Variants in DNAH6 observed in about 807,000 individuals in gnomAD.
The protein encoded by DNAH6 is dynein axonemal heavy chain 6.
DNAH6 carries 340 observed loss-of-function variants against 491.4 expected under a neutral mutation model. The ratio of observed to expected loss-of-function variants is 0.69; its 90% CI spans 0.63 to 0.76. The LOEUF is 0.76. DNAH6 is among the 30% of genes least tolerant of loss of function. DNAH6 has a pLI of 0.00. For missense variants in DNAH6, 4,443 were observed against 4,972.2 expected (o/e 0.89, Z 3.20); for synonymous variants, 1,603 against 1,686.1 (o/e 0.95, Z 1.21).
chr2:84,685,660 G>A (rs1694190649), intron 43 of DNAH6, among the ~76,000 whole-genome samples, 188 bp downstream of exon 43: 1 of 151,870 alleles, frequency 6.6e-6, no homozygotes, highest in African/African-American at 2.4e-5. Context: ...TTAAAATTCA[G>A]GAAGGGTCAG....
Position 84,557,938 on chromosome 2 carries a change from A to G in DNAH6, c.1803+3A>G. 1.3e-6 allele frequency: 2 copies of G among 1,578,772 alleles called. No homozygotes were observed. The highest frequency in any genetic ancestry group is 1.7e-6 in the Non-Finnish European group (2 of 1,151,892). ...ACACAATTATTTCTCAAATAAAGGT[A>G]TGTTTACTCTGACTAAAACTATTCT... On this transcript the variant is annotated splice_donor_region_variant and intron_variant, in intron 11 of 76. Transcript: ENST00000389394.
At chr2:84,638,321 G>A (rs72922749) in intron 31 of DNAH6, among the ~76,000 whole-genome samples, 7,028 of 151,992 alleles carry the variant, frequency 0.046, 194 homozygotes, top group Middle Eastern at 0.054. Context: ...AATTTTATAC[G>A]TATTTTTCAT....
At chr2:84,514,987 G>C (rs1170728401), upstream of DNAH6, among the ~76,000 whole-genome samples, 2 of 152,016 alleles carry the variant, frequency 1.3e-5, no homozygotes, top group Admixed American at 1.3e-4. Context: ...CTAGGATTGA[G>C]GAGCAATAGA....
chr2:84,501,947 T>A, the DNAH6 span, among the ~76,000 whole-genome samples: 1 of 151,990 alleles, frequency 6.6e-6, no homozygotes, highest in African/African-American at 2.4e-5. Flanking sequence ...CTAAAATTTG[T>A]CACTTTTGTT....
upstream of DNAH6, among the ~76,000 whole-genome samples, chr2:84,511,627 A>T (rs769932783): frequency 6.6e-5 from 10 of 152,108 alleles, no homozygotes; most frequent in Non-Finnish European, 1.2e-4. Flanking sequence ...CCAGTACCTC[A>T]GTTGGAAATG....
At chr2:84,489,614 A>C in the DNAH6 span, among the ~76,000 whole-genome samples, 2 of 151,942 alleles carry the variant, frequency 1.3e-5, no homozygotes, top group Non-Finnish European at 2.9e-5. Flanking sequence ...CTTTCTCTTA[A>C]AGAAGCTCTA....
rs1573561251 is a variant in DNAH6, at chr2:84,544,446, G to C, written c.876G>C (p.Lys292Asn). 2.6e-6 allele frequency: 4 copies of C among 1,524,324 alleles called. No individual in the cohort carries two copies. The East Asian group carries it at 9.8e-5, about 37-fold the overall frequency. 94.4% of individuals were successfully genotyped at this position (1,524,324 alleles called of 1,614,324 possible). The change falls in exon 5 of 77, where the codon AAG becomes AAC. Residue 292 changes from lysine to asparagine, a missense_variant. Physicochemically the swap from Lys to Asn is moderately conservative, Grantham distance 94. Around this residue, in one of 3 missense-constraint regions of DNAH6, gnomAD observed 2,977 missense variants for 3,296.6 expected, o/e 0.90. Coordinates refer to ENST00000389394, the MANE Select transcript of DNAH6 (RefSeq NM_001370.2). ...FSVWRKNVRS[K>N]KITGCQKSLQ... ...TATGGAGGAAGAATGTCCGCTCCAA[G>C]AAAATCACTGGATGTCAAAAATCTC...
chr2:84,761,800 A>G (rs549577147), intron 63 of DNAH6, among the ~76,000 whole-genome samples: 13 of 151,648 alleles, frequency 8.6e-5, no homozygotes, highest in African/African-American at 3.1e-4. Context: ...ACACACACAC[A>G]CACACACACA....
chr2:84,509,310 T>A, the DNAH6 span, among the ~76,000 whole-genome samples: 1 of 152,248 alleles, frequency 6.6e-6, no homozygotes, highest in East Asian at 1.9e-4. Flanking sequence ...TCTTGTTGAA[T>A]TGATCCCTTT....
chr2:84,546,490 G>A (rs1039097041), intron 5 of DNAH6, among the ~76,000 whole-genome samples: 1 of 152,104 alleles, frequency 6.6e-6, no homozygotes, highest in Non-Finnish European at 1.5e-5. Context: ...CATGACTCTG[G>A]AACCCGAGGA....
In DNAH6 at chr2:84,594,810, A is replaced by G. The variant is rs565115551; in HGVS notation, c.2724+725A>G. On this transcript the variant is annotated intron_variant, in intron 17 of 76. Transcript: ENST00000389394. ...TAACATGGGAAATATGTTCCAGGTA[A>G]TGTTCTAGGTGCTGGGAGTACCAGT... is the stretch of plus-strand genomic sequence containing the variant. 5.9e-5 allele frequency among the ~76,000 whole-genome samples: 9 copies of G among 152,334 alleles called. No individual in the cohort carries two copies. The South Asian group carries it at 1.9e-3, about 32-fold the overall frequency.
At chr2:84,466,440 G>A in the DNAH6 span, among the ~76,000 whole-genome samples, 3 of 152,144 alleles carry the variant, frequency 2.0e-5, no homozygotes, top group Non-Finnish European at 4.4e-5. Context: ...CAGGTAGAGA[G>A]AAACAAATAT....
intron 40 of DNAH6, among the ~76,000 whole-genome samples, chr2:84,675,598 A>G (rs1181508528): frequency 6.6e-6 from 1 of 152,208 alleles, no homozygotes; most frequent in Admixed American, 6.5e-5. Flanking sequence ...TCCCCCAACA[A>G]GCATTGCCTC....
the DNAH6 span, among the ~76,000 whole-genome samples, chr2:84,493,434 A>G: frequency 6.6e-6 from 1 of 152,202 alleles, no homozygotes; most frequent in Non-Finnish European, 1.5e-5. Flanking sequence ...TTTAGATACT[A>G]TATTTTATTT....
intron 63 of DNAH6, among the ~76,000 whole-genome samples, chr2:84,755,563 T>C (rs745447366): frequency 6.6e-6 from 1 of 152,200 alleles, no homozygotes; most frequent in Non-Finnish European, 1.5e-5. Flanking sequence ...TTCCCTAGTG[T>C]TTTGTATATA....
At position 84,762,935 on chromosome 2, in the gene DNAH6, T is replaced by C. The variant is rs1403992489; in HGVS notation, c.10693T>C (p.Tyr3565His). 2 of 1,550,762 alleles carry C rather than the reference T, an allele frequency of 1.3e-6. No homozygotes were observed. The highest frequency in any genetic ancestry group is 1.7e-6 in the Non-Finnish European group (2 of 1,146,296). The change falls in exon 64 of 77, where the codon TAT becomes CAT. Residue 3565 changes from tyrosine (Y) to histidine (H), a missense_variant. Physicochemically the swap from Tyr to His is moderately conservative, Grantham distance 83. Around this residue, in one of 3 missense-constraint regions of DNAH6, gnomAD observed 1,463 missense variants for 1,656.6 expected, o/e 0.88. Coordinates refer to ENST00000389394, the MANE Select transcript of DNAH6 (RefSeq NM_001370.2). ...TCAGAGGTTTGCCAGGGAAAGTGGATATTCAGAACGGTAAGTTCATGTTGT... is the reference window on the plus strand; with the variant it reads ...TCAGAGGTTTGCCAGGGAAAGTGGACATTCAGAACGGTAAGTTCATGTTGT... Reference protein sequence around the residue: ...AFQRFARESGYSERVQSISLG... With the variant: ...AFQRFARESGHSERVQSISLG...
rs1696819560 is a variant in DNAH6 at position 84,709,358 on chromosome 2, A to C, written c.9064A>C (p.Ile3022Leu). The change falls in exon 55 of 77, where the codon ATC (isoleucine) becomes CTC (leucine). Residue 3022 changes from isoleucine to leucine, a missense_variant. By Grantham distance (5) the Ile-to-Leu change is conservative. Around this residue, in one of 3 missense-constraint regions of DNAH6, gnomAD observed 1,463 missense variants for 1,656.6 expected, o/e 0.88. Coordinates refer to ENST00000389394, the MANE Select transcript of DNAH6 (RefSeq NM_001370.2). ...CCTTCTACAGCTTATAGAGTGTTGG[A>C]TCCAGGACTGTCAGTCTCTGGAGAT... is the stretch of plus-strand genomic sequence containing the variant. ...QYRQSLIECW[I>L]QDCQSLEIPI... 6.4e-7 allele frequency: 1 copy of C among 1,551,614 alleles called. No individual in the cohort carries two copies. The highest frequency in any genetic ancestry group is 8.7e-7 in the Non-Finnish European group (1 of 1,146,976).
intron 45 of DNAH6, among the ~76,000 whole-genome samples, chr2:84,691,797 TA>T (rs1172675886): frequency 1.3e-5 from 2 of 152,018 alleles, no homozygotes; most frequent in Non-Finnish European, 2.9e-5. Context: ...TTTCAACCAT[TA>T]AAAAAAATCT....
At chr2:84,720,666 T>C (rs13386835) in intron 59 of DNAH6, among the ~76,000 whole-genome samples, 21,392 of 152,198 alleles carry the variant, frequency 0.14, 1,630 homozygotes, top group Non-Finnish European at 0.16. Context: ...TTTGCCAGTG[T>C]AGGAATCCAT....
Sources: allele counts gnomAD v4.1 joint callset (sites outside exome capture counted in the v4.1 genomes callset), GRCh38; gene constraint gnomAD v4.1.1; regional missense constraint gnomAD v4.1.1; transcripts MANE v1.5; gene names NCBI Gene and HGNC (gene_info 2026-07-23, HGNC 2026-07-21).